SLC8A1: variants seen among roughly 807,000 people sequenced by gnomAD.
SLC8A1 encodes solute carrier family 8 member A1.
Under a neutral mutation model 68.3 loss-of-function variants are expected in SLC8A1, and 18 were observed. The ratio of observed to expected loss-of-function variants is 0.26; its 90% CI spans 0.18 to 0.39. The LOEUF (loss-of-function observed/expected upper bound fraction) is 0.39. Ranked by LOEUF, SLC8A1 falls within the 10% of genes least tolerant of loss-of-function variation. SLC8A1 has a pLI of 1.00. For synonymous variants in SLC8A1, 475 were observed against 415.5 expected (o/e 1.14, Z -1.74); for missense variants, 985 against 1,156.7 (o/e 0.85, Z 2.15).
chr2:40,409,722 G>T (rs1187091235), intron 2 of SLC8A1, among the ~76,000 whole-genome samples: 1 of 152,122 alleles, frequency 6.6e-6, no homozygotes, highest in African/African-American at 2.4e-5. Context: ...AAATCATCTT[G>T]CTCAAAATAT....
At chr2:40,250,150 A>G (rs1453487968) in intron 2 of SLC8A1, 1 of 152,212 alleles carries the variant, frequency 6.6e-6, no homozygotes, top group Non-Finnish European at 1.5e-5. Context: ...TAGCAGAATA[A>G]AAGTTGTCTG....
chr2:40,212,624 T>C (rs1480927245), intron 2 of SLC8A1, among the ~76,000 whole-genome samples: 1 of 152,190 alleles, frequency 6.6e-6, no homozygotes, highest in East Asian at 1.9e-4. Context: ...CTGTTGTTTC[T>C]CTTCAGATCT....
At chr2:40,293,145 A>G (rs1169476045) in intron 2 of SLC8A1, among the ~76,000 whole-genome samples, 3 of 152,038 alleles carry the variant, frequency 2.0e-5, no homozygotes, top group Admixed American at 1.3e-4. Context: ...TGAACACCTA[A>G]GTTAACTCAG....
At chr2:40,214,103 G>A (rs2057071337) in intron 2 of SLC8A1, among the ~76,000 whole-genome samples, 1 of 152,170 alleles carries the variant, frequency 6.6e-6, no homozygotes, top group African/African-American at 2.4e-5. Context: ...ATCTGCGTCT[G>A]CCTCCACATT....
intron 2 of SLC8A1, among the ~76,000 whole-genome samples, chr2:40,367,940 A>G (rs532514104): frequency 6.6e-6 from 1 of 152,132 alleles, no homozygotes; most frequent in Admixed American, 6.6e-5. Flanking sequence ...GTATTTTTCA[A>G]AAACTTAAAT....
At chr2:40,334,284 G>A (rs927924086) in intron 2 of SLC8A1, among the ~76,000 whole-genome samples, 2 of 152,134 alleles carry the variant, frequency 1.3e-5, no homozygotes, top group Admixed American at 1.3e-4. Flanking sequence ...AAAGTACCAT[G>A]TACTGAATAT....
chr2:40,127,518 A>T (rs1174812353), intron 7 of SLC8A1, among the ~76,000 whole-genome samples: 1 of 152,186 alleles, frequency 6.6e-6, no homozygotes, highest in Admixed American at 6.5e-5. Flanking sequence ...GGACATTTTC[A>T]TGATCACTTG....
rs1429982177 is a variant in SLC8A1 at position 40,277,821 on chromosome 2, T to TATACAC, written c.1809-99967_1809-99966insGTGTAT. On this transcript the variant is annotated intron_variant, in intron 2 of 7. Transcript: ENST00000406785. ...ATATATATATATATATATATATATATATATATATATTTGTAACATATGGTT... is the reference window on the plus strand; with the variant it reads ...ATATATATATATATATATATATATATATACACATATATATATTTGTAACATATGGTT... Among the ~76,000 whole-genome samples, 17 of 137,376 alleles carry TATACAC rather than the reference T, an allele frequency of 1.2e-4. No individual in the cohort carries two copies. The Admixed American group carries it at 1.3e-3, about 10-fold the overall frequency. The allele number at this position is 137,376 out of a possible 152,430, so 90.1% of individuals were successfully genotyped here. A position where few individuals can be genotyped will look rare whatever the true frequency, so the allele number is the denominator to read the frequency against.
At chr2:40,444,597 G>C (rs1701092919) in intron 1 of SLC8A1, among the ~76,000 whole-genome samples, 1 of 152,104 alleles carries the variant, frequency 6.6e-6, no homozygotes, top group Non-Finnish European at 1.5e-5. Context: ...TCAAGAGTTG[G>C]CAAACTATGG....
intron 7 of SLC8A1, among the ~76,000 whole-genome samples, chr2:40,124,396 T>C (rs975850876): frequency 5.3e-5 from 8 of 152,184 alleles, no homozygotes; most frequent in Non-Finnish European, 1.2e-4. Context: ...CACAAAAATA[T>C]GAACACTATT....
chr2:40,492,393 A>G (rs1435554342), intron 1 of SLC8A1, among the ~76,000 whole-genome samples: 1 of 152,198 alleles, frequency 6.6e-6, no homozygotes, highest in African/African-American at 2.4e-5. Flanking sequence ...TAAAAACCCT[A>G]GAAGAAAACC....
intron 2 of SLC8A1, among the ~76,000 whole-genome samples, chr2:40,417,035 T>G (rs1458954850): frequency 6.6e-6 from 1 of 152,146 alleles, no homozygotes; most frequent in Non-Finnish European, 1.5e-5. Context: ...CAGAGGTCTC[T>G]GCAAAGGAGC....
At chr2:40,468,308 T>G (rs999140568) in intron 1 of SLC8A1, among the ~76,000 whole-genome samples, 3 of 152,174 alleles carry the variant, frequency 2.0e-5, no homozygotes, top group African/African-American at 7.2e-5. Context: ...TTTAGTGGTG[T>G]TTATGTATAT....
intron 2 of SLC8A1, among the ~76,000 whole-genome samples, chr2:40,385,237 C>G (rs990467146): frequency 5.3e-5 from 8 of 151,970 alleles, no homozygotes; most frequent in Non-Finnish European, 1.0e-4. Flanking sequence ...ATCCTAGTCT[C>G]GAGGAGGAAA....
chr2:40,313,519 G>A (rs1041446483), intron 2 of SLC8A1, among the ~76,000 whole-genome samples: 3 of 151,974 alleles, frequency 2.0e-5, no homozygotes, highest in Admixed American at 1.3e-4. Context: ...ATTCCAACCA[G>A]CAGTGTAGTT....
At chr2:40,428,893 G>T in exon 2 of SLC8A1, 1 of 1,613,768 alleles carries the variant, frequency 6.2e-7, no homozygotes, top group Non-Finnish European at 8.5e-7. Flanking sequence ...AAACACCACA[G>T]TTCCTTCAGT....
intron 2 of SLC8A1, among the ~76,000 whole-genome samples, chr2:40,183,651 T>C (rs542454257): frequency 6.6e-6 from 1 of 152,320 alleles, no homozygotes; most frequent in Admixed American, 6.5e-5. Flanking sequence ...TTATGTATGC[T>C]GAAGTCTGAG....
At chr2:40,388,756 A>T (rs80125341) in intron 2 of SLC8A1, among the ~76,000 whole-genome samples, 4,115 of 152,270 alleles carry the variant, frequency 0.027, 85 homozygotes, top group Non-Finnish European at 0.04. Context: ...GAACTCTAAA[A>T]CATTCTGTTA....
chr2:40,338,761 A>G (rs1412360920), intron 2 of SLC8A1, among the ~76,000 whole-genome samples: 3 of 152,190 alleles, frequency 2.0e-5, no homozygotes, highest in Non-Finnish European at 4.4e-5. Flanking sequence ...TTCTTCTTTT[A>G]GAAATTTCCT....
Sources: gnomAD v4.1 joint callset for allele counts (sites outside exome capture counted in the v4.1 genomes callset) on GRCh38, gnomAD v4.1.1 for gene constraint, MANE v1.5 for transcripts, NCBI Gene and HGNC (gene_info 2026-07-23, HGNC 2026-07-21) for gene names.